The following CABCOCO1 variants were observed in gnomAD, a reference collection of about 807,000 sequenced individuals.
CABCOCO1 encodes the protein ciliary associated calcium binding coiled-coil 1.
In CABCOCO1, 28 loss-of-function variants were observed where a neutral mutation model predicts 35.7. The ratio of observed to expected loss-of-function variants is 0.78; its 90% CI spans 0.58 to 1.07. The LOEUF (loss-of-function observed/expected upper bound fraction) is 1.07, where lower values mean the gene tolerates loss of function less well. Among genes scored for constraint, CABCOCO1 ranks in the 50% least tolerant of loss-of-function variants. CABCOCO1 has a pLI of 0.00. For synonymous variants in CABCOCO1, 95 were observed against 100.1 expected, an observed-to-expected ratio of 0.95 and a Z score of 0.30; for missense variants, 326 against 309.2, an observed-to-expected ratio of 1.05 and a Z score of -0.41.
At chr10:61,697,346 A>G (rs913951785) in intron 5 of CABCOCO1, among the ~76,000 whole-genome samples, 4 of 152,124 alleles carry the variant, frequency 2.6e-5, no homozygotes, top group Non-Finnish European at 5.9e-5. Context: ...ACTATAAAAA[A>G]CTATCAAGTC....
chr10:61,674,981 A>C (rs545142476), intron 2 of CABCOCO1, among the ~76,000 whole-genome samples: 1 of 152,306 alleles, frequency 6.6e-6, no homozygotes, highest in South Asian at 2.1e-4. Context: ...CTGGGCCTCC[A>C]TGAGCTATTT....
At chr10:61,701,446 C>T (rs755994265) in intron 5 of CABCOCO1, among the ~76,000 whole-genome samples, 1 of 152,074 alleles carries the variant, frequency 6.6e-6, no homozygotes, top group Non-Finnish European at 1.5e-5. Flanking sequence ...TGTTATTATT[C>T]ATGAGTTATA....
intron 2 of CABCOCO1, among the ~76,000 whole-genome samples, chr10:61,675,914 A>G (rs1446857854): frequency 1.3e-5 from 2 of 152,208 alleles, no homozygotes; most frequent in Non-Finnish European, 2.9e-5. Flanking sequence ...AAGTTAGAAT[A>G]TACATTCAAC....
chr10:61,673,392 T>C (rs1377983569), intron 2 of CABCOCO1, among the ~76,000 whole-genome samples: 2 of 152,170 alleles, frequency 1.3e-5, no homozygotes, highest in Non-Finnish European at 2.9e-5. Context: ...TAAAAAATCA[T>C]CCCACTTAGA....
intron 4 of CABCOCO1, among the ~76,000 whole-genome samples, chr10:61,686,739 A>G (rs1421456609): frequency 1.3e-5 from 2 of 152,212 alleles, no homozygotes; most frequent in Non-Finnish European, 2.9e-5. Context: ...AAACTCATTA[A>G]GTCTTTCTTA....
intron 5 of CABCOCO1, among the ~76,000 whole-genome samples, chr10:61,716,208 G>C (rs186755874): frequency 3.6e-4 from 55 of 151,936 alleles, no homozygotes; most frequent in Middle Eastern, 3.4e-3. Context: ...GACATTCATT[G>C]TAAGAAAGGA....
chr10:61,693,100 A>T (rs1404757999), intron 5 of CABCOCO1, among the ~76,000 whole-genome samples: 1 of 152,118 alleles, frequency 6.6e-6, no homozygotes, highest in Admixed American at 6.6e-5. Context: ...GAGAAAGTAG[A>T]CAGGCTTGGC....
rs532597461 is a variant in CABCOCO1, at chr10:61,720,700, G to T, written c.552+30079G>T. 3.9e-5 allele frequency among the ~76,000 whole-genome samples: 6 copies of T among 152,140 alleles called. No individual in the cohort carries two copies. In the East Asian group the frequency reaches 1.2e-3, roughly 29 times the overall value. ...ACTACATCATGTGGTGGGGGGGCAG[G>T]TAATGAGGACAAAACCTTCAGAGAA... On this transcript the variant is annotated intron_variant, in intron 5 of 7. Transcript: ENST00000648843.
intron 5 of CABCOCO1, among the ~76,000 whole-genome samples, chr10:61,693,882 A>G (rs1157700534): frequency 6.6e-6 from 1 of 151,932 alleles, no homozygotes; most frequent in Non-Finnish European, 1.5e-5. Context: ...AAAAAAAATA[A>G]CAGGTGAACC....
At chr10:61,685,996 C>T in intron 3 of CABCOCO1, 45 bp from the exon 4 acceptor site, 2 of 1,512,602 alleles carry the variant, frequency 1.3e-6, no homozygotes, top group Non-Finnish European at 1.8e-6. Flanking sequence ...ATTCTGAAAA[C>T]ATCTATCAAA....
intron 5 of CABCOCO1, among the ~76,000 whole-genome samples, chr10:61,733,507 C>A (rs1446025443): frequency 6.6e-6 from 1 of 152,000 alleles, no homozygotes; most frequent in Non-Finnish European, 1.5e-5. Flanking sequence ...GCTGTGGCTG[C>A]AACTTACACC....
At chr10:61,668,601 T>C (rs1839261785) in intron 1 of CABCOCO1, among the ~76,000 whole-genome samples, 1 of 152,026 alleles carries the variant, frequency 6.6e-6, no homozygotes, top group African/African-American at 2.4e-5. Context: ...GTATTGCCCC[T>C]GAATGTGACA....
intron 7 of CABCOCO1, 111 bp from the exon 8 acceptor site, chr10:61,765,828 T>C: frequency 3.3e-6 from 3 of 904,450 alleles, no homozygotes; most frequent in Non-Finnish European, 1.7e-6. Context: ...CAGGAAGGTG[T>C]GTGAGGGATA....
chr10:61,689,721 G>A (rs1375894407), intron 4 of CABCOCO1, among the ~76,000 whole-genome samples: 2 of 152,102 alleles, frequency 1.3e-5, no homozygotes, highest in Admixed American at 1.3e-4. Flanking sequence ...TTGTTCTTGG[G>A]CATTTTGCTG....
intron 5 of CABCOCO1, chr10:61,701,616 T>G (rs754486072): frequency 2.0e-6 from 2 of 983,500 alleles, no homozygotes; most frequent in Non-Finnish European, 2.4e-6. Context: ...GTTTCCATTC[T>G]CTGATTACAA....
chr10:61,663,001 C>CGACCCCGGCAGGGCA lies in CABCOCO1; in HGVS notation c.38_39insAGGGCAGACCCCGGC (p.Gly14_Thr15insGlnThrProAlaGly). ...TCGCAGGGGACGACTCCCTGGGGGC[C>CGACCCCGGCAGGGCA]GACCCCGGCGGGAACCACGCCCGAA... On this transcript the variant is annotated inframe_insertion, in exon 1 of 8. Coordinates refer to ENST00000648843, the MANE Select transcript of CABCOCO1 (RefSeq NM_001366906.2). 2.8e-6 allele frequency: 1 copy of CGACCCCGGCAGGGCA among 360,046 alleles called. No homozygotes were observed. The highest frequency in any genetic ancestry group is 5.9e-6 in the Non-Finnish European group (1 of 170,708). 22.3% of individuals were successfully genotyped at this position (360,046 alleles called of 1,614,324 possible).
intron 5 of CABCOCO1, among the ~76,000 whole-genome samples, chr10:61,698,194 T>C (rs1840345584): frequency 6.6e-6 from 1 of 152,170 alleles, no homozygotes; most frequent in African/African-American, 2.4e-5. Flanking sequence ...AAGTCTGCTT[T>C]AATAATTTTT....
chr10:61,665,154 C>T (rs1391890958), intron 1 of CABCOCO1, among the ~76,000 whole-genome samples: 2 of 152,074 alleles, frequency 1.3e-5, no homozygotes, highest in Admixed American at 6.5e-5. Context: ...AGTAATTATC[C>T]CAATAACATA....
chr10:61,737,821 G>T (rs1841456196), intron 5 of CABCOCO1, among the ~76,000 whole-genome samples: 1 of 152,070 alleles, frequency 6.6e-6, no homozygotes, highest in Non-Finnish European at 1.5e-5. Context: ...GAGGGTGGGA[G>T]GAGGGAGAGG....
Sources: allele counts gnomAD v4.1 joint callset (sites outside exome capture counted in the v4.1 genomes callset), GRCh38; gene constraint gnomAD v4.1.1; transcripts MANE v1.5; gene names NCBI Gene and HGNC (gene_info 2026-07-23, HGNC 2026-07-21).